NRIP1: variants seen among roughly 807,000 people sequenced by gnomAD.
The protein encoded by NRIP1 is nuclear receptor interacting protein 1, also known as nuclear receptor-interacting protein 1.
A neutral mutation model predicts 75.0 loss-of-function variants in NRIP1; 28 were observed. That is an observed-to-expected ratio of 0.37 (90% CI 0.28 to 0.51). The LOEUF is 0.51. Among genes scored for constraint, NRIP1 ranks in the 20% least tolerant of loss-of-function variants. NRIP1 has a pLI of 0.92. For synonymous variants in NRIP1, 526 were observed against 487.6 expected (o/e 1.08, Z -1.04); for missense variants, 1,435 against 1,343.7 (o/e 1.07, Z -1.06).
chr21:15,058,454 C>T (rs1010142915), intron 1 of NRIP1, among the ~76,000 whole-genome samples: 1 of 151,944 alleles, frequency 6.6e-6, no homozygotes, highest in African/African-American at 2.4e-5. Context: ...AAATCTATTG[C>T]TCTATTATAG....
At chr21:15,057,362 C>A (rs1204711402) in intron 1 of NRIP1, among the ~76,000 whole-genome samples, 2 of 152,172 alleles carry the variant, frequency 1.3e-5, no homozygotes, top group East Asian at 3.8e-4. Context: ...GCTTTCACTG[C>A]CTCAAATAAC....
At chr21:15,041,474 G>T (rs909665320) in intron 2 of NRIP1, among the ~76,000 whole-genome samples, 1 of 152,088 alleles carries the variant, frequency 6.6e-6, no homozygotes, top group Non-Finnish European at 1.5e-5. Flanking sequence ...ACTTCAGGAG[G>T]TTTTGTATAA....
chr21:15,021,472 G>A (rs1415614302), intron 2 of NRIP1, among the ~76,000 whole-genome samples: 2 of 152,118 alleles, frequency 1.3e-5, no homozygotes, highest in Non-Finnish European at 2.9e-5. Flanking sequence ...TCCTAACGCC[G>A]GACTGTGGTG....
chr21:14,972,435 T>C (rs1935214500), intron 3 of NRIP1, among the ~76,000 whole-genome samples: 1 of 152,168 alleles, frequency 6.6e-6, no homozygotes, highest in African/African-American at 2.4e-5. Context: ...ACCTAATAAA[T>C]AGACGTTTTA....
intron 1 of NRIP1, among the ~76,000 whole-genome samples, chr21:15,053,726 G>A (rs1469046470): frequency 1.3e-5 from 2 of 152,088 alleles, no homozygotes; most frequent in Non-Finnish European, 2.9e-5. Flanking sequence ...TCATATATTA[G>A]TCCATTAGCT....
intron 2 of NRIP1, among the ~76,000 whole-genome samples, chr21:15,034,896 G>C (rs938199973): frequency 1.3e-5 from 2 of 152,140 alleles, no homozygotes; most frequent in Non-Finnish European, 2.9e-5. Flanking sequence ...TATTTTCTTT[G>C]TTTTGAAAAA....
rs1019753255 is a variant in NRIP1 at position 14,964,001 on chromosome 21, T to G, written c.*715A>C. ...TATTAATTTAGTAAAGTAGTTAAAA[T>G]ACAAAAAATGGAAATCTGCCTTTTT... On this transcript the variant is annotated 3_prime_UTR_variant, in exon 4 of 4. Coordinates refer to ENST00000318948, the MANE Select transcript of NRIP1 (RefSeq NM_003489.4). 4 of 152,620 alleles carry G rather than the reference T, an allele frequency of 2.6e-5. No individual in the cohort carries two copies. In the East Asian group the frequency reaches 7.7e-4, roughly 29 times the overall value. The allele number at this position is 152,620 out of a possible 1,614,324, so 9.5% of individuals were successfully genotyped here.
intron 1 of NRIP1, among the ~76,000 whole-genome samples, chr21:15,049,699 A>C (rs2089162062): frequency 6.6e-6 from 1 of 151,674 alleles, no homozygotes; most frequent in South Asian, 2.1e-4. Flanking sequence ...TCTCACATTT[A>C]ATTTACTATC....
intron 2 of NRIP1, among the ~76,000 whole-genome samples, chr21:15,032,217 C>T (rs1306314819): frequency 1.3e-5 from 2 of 152,224 alleles, no homozygotes; most frequent in Non-Finnish European, 2.9e-5. Context: ...AGAACTATGA[C>T]TATCCAAAAC....
At chr21:14,972,065 C>T (rs1320198969) in intron 3 of NRIP1, among the ~76,000 whole-genome samples, 1 of 152,040 alleles carries the variant, frequency 6.6e-6, no homozygotes, top group Non-Finnish European at 1.5e-5. Context: ...GAGAGGCTGC[C>T]TCAGGTGACA....
intron 3 of NRIP1, among the ~76,000 whole-genome samples, chr21:15,001,548 T>C (rs1375487015): frequency 6.6e-6 from 1 of 151,980 alleles, no homozygotes; most frequent in Non-Finnish European, 1.5e-5. Flanking sequence ...TCTATTTGAG[T>C]AACAATCACA....
chr21:14,967,012 T>C lies in NRIP1; in HGVS notation c.1181A>G (p.Asn394Ser). ...LKSQTIPKPM[N>S]GHSHSERGSI... The stretch of plus-strand genomic sequence containing the variant: ...TCCTCTCTCACTGTGACTGTGTCCA[T>C]TCATTGGCTTAGGTATAGTCTGGCT... The change falls in exon 4 of 4, where the codon AAT becomes AGT. Residue 394 changes from asparagine to serine, a missense_variant. Asn to Ser is a conservative substitution (Grantham distance 46, BLOSUM62 1). Transcript: ENST00000318948. 6.2e-7 allele frequency: 1 copy of C among 1,614,172 alleles called. No homozygotes were observed. The highest frequency in any genetic ancestry group is 1.3e-5 in the African/African-American group (1 of 75,056).
chr21:15,000,111 G>A (rs982315438), intron 3 of NRIP1, among the ~76,000 whole-genome samples: 1 of 152,182 alleles, frequency 6.6e-6, no homozygotes, highest in Non-Finnish European at 1.5e-5. Flanking sequence ...TTTGGAAGAA[G>A]TACACTTTAA....
intron 1 of NRIP1, among the ~76,000 whole-genome samples, chr21:15,061,915 C>T (rs2089431369): frequency 6.6e-6 from 1 of 152,192 alleles, no homozygotes; most frequent in African/African-American, 2.4e-5. Flanking sequence ...GGCATATCTC[C>T]TTATCTTATT....
At position 14,966,803 on chromosome 21, in the gene NRIP1, T is replaced by C; in HGVS notation, c.1390A>G (p.Thr464Ala). ...TCCCAAGTGTTTAGCAAGGATTGAG[T>C]GAAGTTATCCAGGGAAACAGGTTGG... ...SDQPVSLDNF[T>A]QSLLNTWDPK... Residue 464 changes from threonine to alanine, a missense_variant, in exon 4 of 4, where the codon ACT becomes GCT. By Grantham distance (58) the Thr-to-Ala change is moderately conservative. Transcript: ENST00000318948. 1 of 1,614,124 alleles carries C rather than the reference T, an allele frequency of 6.2e-7. No individual in the cohort carries two copies. Among genetic ancestry groups the C allele is most frequent in the Non-Finnish European group, 8.5e-7 (1 of 1,179,998 alleles).
At chr21:14,969,293 T>C (rs2086842802) in intron 3 of NRIP1, among the ~76,000 whole-genome samples, 1 of 152,196 alleles carries the variant, frequency 6.6e-6, no homozygotes, top group Admixed American at 6.5e-5. Flanking sequence ...AGTAAATCCT[T>C]ACTCATGTGC....
intron 1 of NRIP1, among the ~76,000 whole-genome samples, chr21:15,058,448 C>A (rs2089352201): frequency 6.6e-6 from 1 of 152,116 alleles, no homozygotes; most frequent in East Asian, 1.9e-4. Flanking sequence ...GTGTATAAAT[C>A]TATTGCTCTA....
intron 3 of NRIP1, among the ~76,000 whole-genome samples, chr21:15,011,868 A>G (rs1032429509): frequency 6.6e-6 from 1 of 152,230 alleles, no homozygotes; most frequent in African/African-American, 2.4e-5. Flanking sequence ...TAGTTACTCA[A>G]TATGATGATT....
chr21:15,026,785 A>T (rs9984116), intron 2 of NRIP1, among the ~76,000 whole-genome samples: 3,396 of 146,038 alleles, frequency 0.023, 127 homozygotes, highest in African/African-American at 0.077. Context: ...GAGTGGAAAT[A>T]AATGAACTAT....
Sources: gnomAD v4.1 joint callset for allele counts (sites outside exome capture counted in the v4.1 genomes callset) on GRCh38, gnomAD v4.1.1 for gene constraint, MANE v1.5 for transcripts, NCBI Gene and HGNC (gene_info 2026-07-23, HGNC 2026-07-21) for gene names.